MCCC1: variants seen among roughly 807,000 people sequenced by gnomAD.
MCCC1 encodes the protein methylcrotonoyl-CoA carboxylase subunit alpha, mitochondrial.
MCCC1 carries 64 observed loss-of-function variants against 83.8 expected under a neutral mutation model. That is an observed-to-expected ratio of 0.76 (90% CI 0.62 to 0.94). MCCC1 has a LOEUF of 0.94. Among genes scored for constraint, MCCC1 ranks in the 40% least tolerant of loss-of-function variants. The pLI, the probability that MCCC1 is intolerant of heterozygous loss-of-function variation, is 0.00. For missense variants in MCCC1, 807 were observed against 904.7 expected (o/e 0.89, Z 1.39); for synonymous variants, 322 against 315.4 (o/e 1.02, Z -0.22).
At chr3:183,086,488 C>A (rs1480409689) in intron 4 of MCCC1, among the ~76,000 whole-genome samples, 1 of 152,112 alleles carries the variant, frequency 6.6e-6, no homozygotes, top group African/African-American at 2.4e-5. Flanking sequence ...ACCTATTTCC[C>A]AAAGGATCTA....
intron 4 of MCCC1, among the ~76,000 whole-genome samples, chr3:183,076,692 C>A (rs1220503253): frequency 6.6e-6 from 1 of 152,184 alleles, no homozygotes; most frequent in Non-Finnish European, 1.5e-5. Flanking sequence ...TTTGGCCAAT[C>A]TAGTGGGTGC....
At chr3:183,016,467 A>C (rs1166546869) in intron 18 of MCCC1, among the ~76,000 whole-genome samples, 1 of 150,956 alleles carries the variant, frequency 6.6e-6, no homozygotes, top group Non-Finnish European at 1.5e-5. Context: ...CTGACCTCAA[A>C]TGATCCGCCT....
intron 14 of MCCC1, among the ~76,000 whole-genome samples, chr3:183,031,780 G>A (rs1577255014): frequency 6.6e-6 from 1 of 150,522 alleles, no homozygotes; most frequent in Non-Finnish European, 1.5e-5. Context: ...TTACGGGTGG[G>A]AGATACCGTG....
intron 7 of MCCC1, among the ~76,000 whole-genome samples, chr3:183,060,891 C>A (rs1560245558): frequency 6.6e-6 from 1 of 152,166 alleles, no homozygotes; most frequent in Non-Finnish European, 1.5e-5. Flanking sequence ...CATGTCCCTA[C>A]AAAGGACATG....
rs899961912 is a variant in MCCC1 at position 183,090,818 on chromosome 3, C to T, written c.273+1591G>A. On this transcript the variant is annotated intron_variant, in intron 3 of 18. Transcript: ENST00000265594. ...TGGTCAGGCTGGTCTCGAACCCTGACCTCAGGTGATTCATCTGCCTCGGCT... is the reference window on the plus strand; with the variant it reads ...TGGTCAGGCTGGTCTCGAACCCTGATCTCAGGTGATTCATCTGCCTCGGCT... The T allele has an allele frequency of 2.0e-5, 7 of 342,110 alleles. 1 individual carries two copies. Among genetic ancestry groups the T allele is most frequent in the Admixed American group, 3.8e-5 (1 of 26,106 alleles). The allele number at this position is 342,110 out of a possible 1,614,324, so 21.2% of individuals were successfully genotyped here.
chr3:183,088,259 T>A (rs577229438), intron 3 of MCCC1, among the ~76,000 whole-genome samples: 1 of 151,166 alleles, frequency 6.6e-6, no homozygotes, highest in East Asian at 1.9e-4. Context: ...CAGGCTGGAA[T>A]GTAGTGGCGC....
chr3:183,115,065 CAACT>C (rs1256579358), intron 1 of MCCC1, among the ~76,000 whole-genome samples: 2 of 152,028 alleles, frequency 1.3e-5, no homozygotes, highest in Non-Finnish European at 2.9e-5. Flanking sequence ...TCTCTCCTAC[CAACT>C]GTGTTACAAA....
At chr3:183,105,722 C>T (rs985981265) in intron 1 of MCCC1, among the ~76,000 whole-genome samples, 4 of 151,970 alleles carry the variant, frequency 2.6e-5, no homozygotes, top group African/African-American at 9.7e-5. Flanking sequence ...AAAACTCTTA[C>T]AAATAGAGCT....
intron 16 of MCCC1, among the ~76,000 whole-genome samples, chr3:183,021,673 T>C (rs1712171327): frequency 6.6e-6 from 1 of 152,190 alleles, no homozygotes; most frequent in Admixed American, 6.5e-5. Context: ...TTTTCACCAT[T>C]CCATTATACG....
At chr3:183,020,329 T>C (rs1674322862) in intron 16 of MCCC1, 92 bp from the exon 17 acceptor site, 1 of 1,060,930 alleles carries the variant, frequency 9.4e-7, no homozygotes, top group Non-Finnish European at 1.4e-6. Context: ...TCCCAGCAAT[T>C]TGTTAAATAT....
At chr3:183,101,395 A>G (rs534111547), upstream of MCCC1, among the ~76,000 whole-genome samples, 14 of 152,212 alleles carry the variant, frequency 9.2e-5, no homozygotes, top group Non-Finnish European at 1.6e-4. Flanking sequence ...GAGTCTTTAT[A>G]TCTAGCTCAG....
intron 18 of MCCC1, among the ~76,000 whole-genome samples, chr3:183,016,693 C>A (rs9879377): frequency 0.22 from 33,647 of 152,160 alleles, 4,338 homozygotes; most frequent in East Asian, 0.58. Flanking sequence ...GCATATTCAA[C>A]GTGTATGGTT....
intron 14 of MCCC1, among the ~76,000 whole-genome samples, chr3:183,031,993 T>C (rs1308593873): frequency 6.6e-6 from 1 of 152,140 alleles, no homozygotes; most frequent in Non-Finnish European, 1.5e-5. Flanking sequence ...TCCTGTTTCA[T>C]GCATTCTATT....
chr3:183,082,745 A>G (rs1717604906), intron 4 of MCCC1, among the ~76,000 whole-genome samples: 4 of 152,220 alleles, frequency 2.6e-5, no homozygotes. Flanking sequence ...AGGCAGGCCA[A>G]GAGAGAAGGA....
At chr3:183,073,957 A>G (rs965360128) in intron 4 of MCCC1, among the ~76,000 whole-genome samples, 7 of 152,224 alleles carry the variant, frequency 4.6e-5, no homozygotes, top group African/African-American at 1.7e-4. Flanking sequence ...AGTGACTAAC[A>G]GATGGGGAGT....
At chr3:183,096,342 A>AT (rs1469460858) in intron 1 of MCCC1, among the ~76,000 whole-genome samples, 72 of 151,150 alleles carry the variant, frequency 4.8e-4, no homozygotes, top group East Asian at 3.9e-3. Context: ...TCTCAAAAAA[A>AT]AAAATAAATA....
Position 183,096,809 on chromosome 3 carries a change from G to A in MCCC1, c.90-2204C>T, listed in dbSNP as rs192326992. On this transcript the variant is annotated intron_variant, in intron 1 of 18. Transcript: ENST00000265594. ...CTGAAGGAGGGGGATCATCTTTCCT[G>A]ATCTTTATGAGGTATTTTCTAGCTC... Among the ~76,000 whole-genome samples, 3 of 152,112 alleles carry A rather than the reference G, an allele frequency of 2.0e-5. No homozygotes were observed. In the South Asian group the frequency reaches 6.2e-4, roughly 32 times the overall value.
intron 4 of MCCC1, among the ~76,000 whole-genome samples, chr3:183,081,033 C>T (rs1008080575): frequency 1.3e-5 from 2 of 152,124 alleles, no homozygotes; most frequent in African/African-American, 2.4e-5. Context: ...ATGGACACAG[C>T]GAAACCATAT....
At position 183,041,360 on chromosome 3, in the gene MCCC1, A is replaced by G. The variant is rs186298231; in HGVS notation, c.1267+207T>C. On this transcript the variant is annotated intron_variant, in intron 11 of 18. Transcript: ENST00000265594. ...CAAGTACTGCTGAATTTCAAAAAAAAGGAGTCCGTTGTTGAAAAATACTTG... is the reference window on the plus strand; with the variant it reads ...CAAGTACTGCTGAATTTCAAAAAAAGGGAGTCCGTTGTTGAAAAATACTTG... 7.4e-3 allele frequency among the ~76,000 whole-genome samples: 1,123 copies of G among 152,308 alleles called. 11 individuals carry two copies. The highest frequency in any genetic ancestry group is 0.026 in the African/African-American group (1,078 of 41,558).
Sources: gnomAD v4.1 joint callset for allele counts (sites outside exome capture counted in the v4.1 genomes callset) on GRCh38, gnomAD v4.1.1 for gene constraint, MANE v1.5 for transcripts, NCBI Gene and HGNC (gene_info 2026-07-23, HGNC 2026-07-21) for gene names.